Variants in FN1 observed in about 807,000 individuals in gnomAD.
FN1 encodes the protein fibronectin.
A neutral mutation model predicts 297.3 loss-of-function variants in FN1; 106 were observed. The observed-to-expected ratio is 0.36, with a 90% confidence interval of 0.30 to 0.42. The LOEUF (loss-of-function observed/expected upper bound fraction) is 0.42. FN1 is among the 10% of genes least tolerant of loss of function. The probability of loss-of-function intolerance (pLI) is 1.00; values close to 1 mark genes in which losing one functional copy is unlikely to be tolerated. For missense variants in FN1, 2,690 were observed against 3,124.9 expected (o/e 0.86, Z 3.32); for synonymous variants, 1,149 against 1,152.6 (o/e 1.00, Z 0.06).
chr2:215,394,806 G>C (rs2060116119), intron 23 of FN1, 87 bp from the exon 24 acceptor site: 1 of 1,042,806 alleles, frequency 9.6e-7, no homozygotes, highest in Non-Finnish European at 1.5e-6. Flanking sequence ...GGATTCACAG[G>C]GCGGAATGCA....
At chr2:215,376,430 A>G (rs1014443838) in intron 36 of FN1, 68 bp downstream of exon 36, 6 of 1,385,748 alleles carry the variant, frequency 4.3e-6, no homozygotes, top group Non-Finnish European at 1.0e-6. Context: ...GTCGTAGAAC[A>G]GTTAATAAGC....
At chr2:215,365,306 A>C (rs2054308243) in intron 43 of FN1, among the ~76,000 whole-genome samples, 199 bp downstream of exon 43, 1 of 152,198 alleles carries the variant, frequency 6.6e-6, no homozygotes, top group East Asian at 1.9e-4. Flanking sequence ...CAAGTGCTAA[A>C]GTGTCCTGTA....
rs1236524530 is a variant in FN1 at position 215,391,716 on chromosome 2, G to C, written c.4168C>G (p.Leu1390Val). 3 of 1,614,154 alleles carry C rather than the reference G, an allele frequency of 1.9e-6. No individual in the cohort carries two copies. Among genetic ancestry groups the C allele is most frequent in the Non-Finnish European group, 2.5e-6 (3 of 1,179,992 alleles). Reference protein sequence around the residue: ...PPPSIDLTNFLVRYSPVKNEE... With the variant: ...PPPSIDLTNFVVRYSPVKNEE... ...TTTTTCACAGGTGAGTAACGCACCA[G>C]GAAGTTGGTTAAATCAATGGATGGG... is the stretch of plus-strand genomic sequence containing the variant. The change falls in exon 26 of 46, where the codon CTG becomes GTG. Residue 1390 changes from leucine to valine, a missense_variant. Coordinates refer to ENST00000354785, the MANE Select transcript of FN1 (RefSeq NM_212482.4).
intron 27 of FN1, among the ~76,000 whole-genome samples, chr2:215,387,746 GAAA>G (rs2106014334): frequency 6.6e-6 from 1 of 152,184 alleles, no homozygotes; most frequent in Non-Finnish European, 1.5e-5. Context: ...CCTTTTGAAA[GAAA>G]AAATTAAAAG....
At chr2:215,419,755 TAATTTCATTTTCCTTACTTCTTCAA>T (rs1449425425) in intron 11 of FN1, among the ~76,000 whole-genome samples, 1 of 152,220 alleles carries the variant, frequency 6.6e-6, no homozygotes, top group Non-Finnish European at 1.5e-5. Flanking sequence ...AAATCTGCAA[TAATTTCATTTTCCTTACTTCTTCAA>T]AATTTAAAGA....
At chr2:215,364,808 C>T (rs535084622) in intron 44 of FN1, 71 bp downstream of exon 44, 12 of 1,011,898 alleles carry the variant, frequency 1.2e-5, no homozygotes, top group East Asian at 2.6e-5. Context: ...CCTGTGTGTA[C>T]GACACATCCT....
chr2:215,371,999 A>G lies in FN1; in HGVS notation c.6624T>C (p.Ser2208=). 3.1e-6 allele frequency: 5 copies of G among 1,614,190 alleles called. No homozygotes were observed. The South Asian group carries it at 5.5e-5, about 18-fold the overall frequency. ...ATGGGGCCCATGAGATGGTTGTCTGAGAGAGAGCTTCTTGTCCTGTAGAGG... is the reference window on the plus strand; with the variant it reads ...ATGGGGCCCATGAGATGGTTGTCTGGGAGAGAGCTTCTTGTCCTGTAGAGG... The part of the protein sequence containing the change: ...PNASTGQEAL[S]QTTISWAPFQ... Residue 2208 remains serine, a synonymous_variant, in exon 40 of 46, where the codon TCT becomes TCC. Coordinates refer to ENST00000354785, the MANE Select transcript of FN1 (RefSeq NM_212482.4).
intron 3 of FN1, 130 bp downstream of exon 3, chr2:215,433,194 G>T: frequency 9.2e-7 from 1 of 1,092,332 alleles, no homozygotes; most frequent in Non-Finnish European, 1.4e-6. Context: ...CCACTTAAGA[G>T]TACCTGGTCA....
Position 215,436,047 on chromosome 2 carries a change from G to A in FN1, c.-245C>T. On this transcript the variant is annotated 5_prime_UTR_variant, in exon 1 of 46. Coordinates refer to ENST00000354785, the MANE Select transcript of FN1 (RefSeq NM_212482.4). ...GCCTGGGGTTCCCTCTCCTCCCCCT[G>A]TGCAGCACAGCCGGCGCGGGCGTCC... 2 of 714,288 alleles carry A rather than the reference G, an allele frequency of 2.8e-6. No homozygotes were observed. Among genetic ancestry groups the A allele is most frequent in the South Asian group, 5.6e-5 (2 of 35,752 alleles). The allele number at this position is 714,288 out of a possible 1,614,324, so 44.2% of individuals were successfully genotyped here. A position where few individuals can be genotyped will look rare whatever the true frequency, so the allele number is the denominator to read the frequency against.
intron 20 of FN1, among the ~76,000 whole-genome samples, chr2:215,400,430 C>T (rs967393916): frequency 3.3e-5 from 5 of 151,858 alleles, no homozygotes; most frequent in Admixed American, 6.6e-5. Flanking sequence ...TTCTAGCATC[C>T]TGACATCACT....
At chr2:215,406,210 G>A (rs1285891081) in intron 19 of FN1, 28 bp downstream of exon 19, 10 of 1,611,148 alleles carry the variant, frequency 6.2e-6, no homozygotes, top group South Asian at 2.2e-5. Flanking sequence ...AGAATTTGGA[G>A]GGGAGATAGA....
In FN1 at chr2:215,367,761, G is replaced by A; in HGVS notation, c.7018+102C>T. The A allele has an allele frequency of 2.6e-6, 3 of 1,159,870 alleles. No homozygotes were observed. In the Admixed American group the frequency reaches 5.4e-5, roughly 21 times the overall value. 71.8% of individuals were successfully genotyped at this position (1,159,870 alleles called of 1,614,324 possible). A position where few individuals can be genotyped will look rare whatever the true frequency, so the allele number is the denominator to read the frequency against. On this transcript the variant is annotated intron_variant, in intron 42 of 45. Transcript: ENST00000354785. Reference sequence around the variant, plus strand: ...GTATTCTCTTGTTTGCTTCATGTTTGGAAGAACCTGTGTCTTCCAAACATG... The same window carrying A: ...GTATTCTCTTGTTTGCTTCATGTTTAGAAGAACCTGTGTCTTCCAAACATG...
At position 215,421,000 on chromosome 2, in the gene FN1, T is replaced by C. The variant is rs1190408362; in HGVS notation, c.1547-199A>G. On this transcript the variant is annotated intron_variant, in intron 10 of 45. Coordinates refer to ENST00000354785, the MANE Select transcript of FN1 (RefSeq NM_212482.4). ...ACAATTTTTGCCAAAAAAATTTTTT[T>C]CTTCCCAAAATGTGTAACTTTTGCA... 4 of 576,328 alleles carry C rather than the reference T, an allele frequency of 6.9e-6. No homozygotes were observed. The African/African-American group carries it at 7.5e-5, about 11-fold the overall frequency. The allele number at this position is 576,328 out of a possible 1,614,324, so 35.7% of individuals were successfully genotyped here. A position where few individuals can be genotyped will look rare whatever the true frequency, so the allele number is the denominator to read the frequency against.
chr2:215,409,698 C>T lies in FN1; in HGVS notation c.2164G>A (p.Val722Met). The T allele has an allele frequency of 6.2e-7, 1 of 1,614,012 alleles. No individual in the cohort carries two copies. Among genetic ancestry groups the T allele is most frequent in the Non-Finnish European group, 8.5e-7 (1 of 1,179,996 alleles). ...TCGGTCACAGATTCAGAAGTGGCCA[C>T]AAGAGGAGAAAAGGGAGTCGTCTCT... is the stretch of plus-strand genomic sequence containing the variant. The part of the protein sequence containing the change: ...TGETTPFSPL[V>M]ATSESVTEIT... Residue 722 changes from valine (V) to methionine (M), a missense_variant, in exon 15 of 46, where the codon GTG (valine) becomes ATG (methionine). By Grantham distance (21) the Val-to-Met change is conservative (BLOSUM62 1). Around this residue, in one of 3 missense-constraint regions of FN1, gnomAD observed 876 missense variants for 1,058.1 expected, o/e 0.83. Coordinates refer to ENST00000354785, the MANE Select transcript of FN1 (RefSeq NM_212482.4).
At chr2:215,418,886 A>T (rs2063801368) in intron 12 of FN1, among the ~76,000 whole-genome samples, 1 of 152,214 alleles carries the variant, frequency 6.6e-6, no homozygotes, top group African/African-American at 2.4e-5. Context: ...GTTAAGAATC[A>T]TAATATAAAG....
chr2:215,419,186 C>A, intron 12 of FN1, 56 bp downstream of exon 12: 1 of 1,513,440 alleles, frequency 6.6e-7, no homozygotes, highest in Middle Eastern at 1.7e-4. Flanking sequence ...ATAATCACTG[C>A]CCTGTTGTTA....
chr2:215,426,163 T>C (rs76925929), intron 6 of FN1, among the ~76,000 whole-genome samples: 44 of 140,576 alleles, frequency 3.1e-4, no homozygotes, highest in African/African-American at 1.2e-3. Context: ...TTTTTTTTTT[T>C]TTTGAGACGG....
intron 20 of FN1, among the ~76,000 whole-genome samples, chr2:215,399,778 C>T (rs1008325321): frequency 6.6e-6 from 1 of 152,092 alleles, no homozygotes; most frequent in Admixed American, 6.6e-5. Flanking sequence ...TTCCCTATAT[C>T]GTCAGTGTAA....
intron 23 of FN1, among the ~76,000 whole-genome samples, chr2:215,396,913 T>G (rs1325191503): frequency 1.3e-5 from 2 of 152,240 alleles, no homozygotes; most frequent in African/African-American, 4.8e-5. Flanking sequence ...CTTGTCCCCC[T>G]AGACTAGTGT....
Sources: allele counts gnomAD v4.1 joint callset (sites outside exome capture counted in the v4.1 genomes callset), GRCh38; gene constraint gnomAD v4.1.1; regional missense constraint gnomAD v4.1.1; transcripts MANE v1.5; gene names NCBI Gene and HGNC (gene_info 2026-07-23, HGNC 2026-07-21).